The following RAD18 variants were observed in gnomAD, a reference collection of about 807,000 sequenced individuals.
The protein encoded by RAD18 is E3 ubiquitin-protein ligase RAD18.
Under a neutral mutation model 60.4 loss-of-function variants are expected in RAD18, and 47 were observed. That is an observed-to-expected ratio of 0.78 (90% confidence interval 0.62 to 0.99). RAD18 has a LOEUF of 0.99. Among genes scored for constraint, RAD18 ranks in the 50% least tolerant of loss-of-function variants. The probability of loss-of-function intolerance (pLI) is 0.00; values close to 1 mark genes in which losing one functional copy is unlikely to be tolerated. For synonymous variants in RAD18, 225 were observed against 195.5 expected (o/e 1.15, Z -1.26); for missense variants, 640 against 593.3 (o/e 1.08, Z -0.82).
chr3:8,902,597 A>AG, intron 9 of RAD18, 77 bp from the exon 10 acceptor site: 1 of 1,420,074 alleles, frequency 7.0e-7, no homozygotes, highest in South Asian at 1.4e-5. Flanking sequence ...CTGAATATCA[A>AG]GAGGTGTACA....
chr3:8,963,427 T>G lies in RAD18; in HGVS notation c.-42A>C. On this transcript the variant is annotated 5_prime_UTR_variant, in exon 1 of 13. Transcript: ENST00000264926. ...GCTGGGGGTCAGCCACCCACTAGCC[T>G]CCGGCGCTCCAACACCACTCGAAAT... The G allele has an allele frequency of 6.5e-7, 1 of 1,534,490 alleles. No individual in the cohort carries two copies. The highest frequency in any genetic ancestry group is 8.9e-7 in the Non-Finnish European group (1 of 1,126,884).
intron 7 of RAD18, among the ~76,000 whole-genome samples, chr3:8,935,458 C>G (rs893908359): frequency 6.6e-6 from 1 of 152,170 alleles, no homozygotes; most frequent in Non-Finnish European, 1.5e-5. Flanking sequence ...ATTTATTTCA[C>G]TCAACATTAT....
At chr3:8,885,994 T>C (rs1054396950) in intron 12 of RAD18, among the ~76,000 whole-genome samples, 6 of 152,196 alleles carry the variant, frequency 3.9e-5, no homozygotes, top group African/African-American at 7.2e-5. Flanking sequence ...GCTGTAGTTA[T>C]AGCTTGTGGA....
At chr3:8,924,251 G>A (rs1940384223) in intron 7 of RAD18, among the ~76,000 whole-genome samples, 1 of 150,292 alleles carries the variant, frequency 6.7e-6, no homozygotes, top group Admixed American at 6.6e-5. Flanking sequence ...AAAAAGGCAG[G>A]GGTTGCAATC....
intron 7 of RAD18, among the ~76,000 whole-genome samples, chr3:8,922,477 T>A (rs538564719): frequency 6.6e-6 from 1 of 152,290 alleles, no homozygotes; most frequent in Admixed American, 6.5e-5. Context: ...CTCTGTAGAC[T>A]CCACCTCTGG....
At chr3:8,902,355 T>G in intron 10 of RAD18, 25 bp downstream of exon 10, 5 of 1,484,516 alleles carry the variant, frequency 3.4e-6, no homozygotes, top group Non-Finnish European at 4.5e-6. Flanking sequence ...TCGACATATG[T>G]CTGTTTTTAA....
At chr3:8,906,336 C>CGTTT (rs1940000785) in intron 9 of RAD18, among the ~76,000 whole-genome samples, 1 of 151,994 alleles carries the variant, frequency 6.6e-6, no homozygotes, top group Non-Finnish European at 1.5e-5. Flanking sequence ...CAAACAAAAC[C>CGTTT]CTCCCTTGAC....
At chr3:8,962,841 G>A (rs1941112920) in intron 1 of RAD18, among the ~76,000 whole-genome samples, 2 of 152,146 alleles carry the variant, frequency 1.3e-5, no homozygotes, top group South Asian at 2.1e-4. Context: ...GAGGAGTTGG[G>A]GCAGTATGTC....
At chr3:8,942,776 C>T (rs1454548975) in intron 4 of RAD18, among the ~76,000 whole-genome samples, 5 of 152,182 alleles carry the variant, frequency 3.3e-5, no homozygotes, top group Non-Finnish European at 5.9e-5. Flanking sequence ...AAAGGGAACC[C>T]CACCAGTCTG....
chr3:8,960,502 T>C (rs1451848580), intron 1 of RAD18, among the ~76,000 whole-genome samples: 1 of 152,182 alleles, frequency 6.6e-6, no homozygotes, highest in East Asian at 1.9e-4. Flanking sequence ...AAAGGACTAA[T>C]GTCGCTAATG....
At chr3:8,902,915 A>G (rs1270496814) in intron 9 of RAD18, among the ~76,000 whole-genome samples, 3 of 152,080 alleles carry the variant, frequency 2.0e-5, no homozygotes, top group African/African-American at 7.2e-5. Context: ...AATCCCAGCT[A>G]CTTAGGAGGC....
In RAD18 at chr3:8,926,803, TG is replaced by T. The variant is rs1470461457; in HGVS notation, c.889+9067del. ...TGACAAACCTGACAAAAACAAGAAATGGGGAAAGGATTCCCTATTTAATAAA... is the reference window on the plus strand; with the variant it reads ...TGACAAACCTGACAAAAACAAGAAATGGGAAAGGATTCCCTATTTAATAAA... On this transcript the variant is annotated intron_variant, in intron 7 of 12. Transcript: ENST00000264926. 2.0e-5 allele frequency among the ~76,000 whole-genome samples: 3 copies of T among 152,168 alleles called. No individual in the cohort carries two copies. In the East Asian group the frequency reaches 5.8e-4, roughly 29 times the overall value.
At chr3:8,944,014 T>C (rs760007507) in intron 4 of RAD18, among the ~76,000 whole-genome samples, 2 of 152,090 alleles carry the variant, frequency 1.3e-5, no homozygotes, top group Non-Finnish European at 2.9e-5. Context: ...AAGCCAAACA[T>C]TGGTTCTTTG....
intron 7 of RAD18, among the ~76,000 whole-genome samples, chr3:8,929,727 C>T (rs7623716): frequency 2.3e-3 from 352 of 152,090 alleles, no homozygotes; most frequent in African/African-American, 8.2e-3. Flanking sequence ...CTGCAACCTC[C>T]GCCTCCTGGG....
intron 2 of RAD18, among the ~76,000 whole-genome samples, chr3:8,956,043 T>C (rs979094006): frequency 6.6e-6 from 1 of 152,222 alleles, no homozygotes; most frequent in Non-Finnish European, 1.5e-5. Context: ...TAAAACAATA[T>C]ACTATAACAA....
intron 9 of RAD18, among the ~76,000 whole-genome samples, chr3:8,905,544 A>G (rs905454136): frequency 6.6e-6 from 1 of 152,234 alleles, no homozygotes; most frequent in African/African-American, 2.4e-5. Context: ...AGTGTTTTCC[A>G]AAGTAAAATC....
At chr3:8,913,251 C>T (rs935497108) in intron 8 of RAD18, among the ~76,000 whole-genome samples, 1 of 152,180 alleles carries the variant, frequency 6.6e-6, no homozygotes, top group Non-Finnish European at 1.5e-5. Flanking sequence ...AATTACTTAA[C>T]ATTTCCATAA....
At position 8,958,965 on chromosome 3, in the gene RAD18, CG is replaced by C; in HGVS notation, c.87del (p.Phe29LeufsTer8). 1 of 1,613,762 alleles carries C rather than the reference CG, an allele frequency of 6.2e-7. No individual in the cohort carries two copies. Among genetic ancestry groups the C allele is most frequent in the Admixed American group, 1.7e-5 (1 of 60,016 alleles). ...ATTATCATTGCAATGTTGAAATACT[CG>C]AAGCAAATTCCACACCGCAGCAAAT... ...IDDLLRCGICFEYFNIAMIIP... is the reference protein window; with the variant it reads ...IDDLLRCGICXEYFNIAMIIP... On this transcript the variant is annotated frameshift_variant, in exon 2 of 13. Transcript: ENST00000264926. LOFTEE classifies it high-confidence loss of function.
At chr3:8,950,222 G>A (rs45508300) in intron 2 of RAD18, among the ~76,000 whole-genome samples, 3 of 152,186 alleles carry the variant, frequency 2.0e-5, no homozygotes, top group African/African-American at 7.2e-5. Flanking sequence ...TTTTAGTAGA[G>A]ATGGGGTTTC....
Sources: allele counts gnomAD v4.1 joint callset (sites outside exome capture counted in the v4.1 genomes callset), GRCh38; gene constraint gnomAD v4.1.1; transcripts MANE v1.5; gene names NCBI Gene and HGNC (gene_info 2026-07-23, HGNC 2026-07-21).